Variants in WDR41 observed in about 807,000 individuals in gnomAD.
The protein encoded by WDR41 is WD repeat-containing protein 41.
A neutral mutation model predicts 69.3 loss-of-function variants in WDR41; 63 were observed. The observed-to-expected ratio is 0.91, with a 90% CI of 0.74 to 1.12. The LOEUF (loss-of-function observed/expected upper bound fraction) is 1.12, where lower values mean the gene tolerates loss of function less well. WDR41 is among the 50% of genes most tolerant of loss of function. The probability of loss-of-function intolerance (pLI) is 0.00; values close to 1 mark genes in which losing one functional copy is unlikely to be tolerated. For synonymous variants in WDR41, 185 were observed against 192.1 expected (o/e 0.96, Z 0.31); for missense variants, 543 against 534.5 (o/e 1.02, Z -0.16).
intron 1 of WDR41, among the ~76,000 whole-genome samples, chr5:77,581,339 G>A (rs1037587264): frequency 2.0e-5 from 3 of 152,184 alleles, no homozygotes; most frequent in African/African-American, 7.2e-5. Flanking sequence ...CTGAAATGGA[G>A]CACCAAGGTG....
chr5:77,566,648 T>A (rs1321650404), intron 1 of WDR41, among the ~76,000 whole-genome samples: 1 of 152,168 alleles, frequency 6.6e-6, no homozygotes, highest in Admixed American at 6.6e-5. Flanking sequence ...ATATGCACGC[T>A]TGTGTGGTGG....
At chr5:77,442,870 C>A (rs1319156716) in intron 8 of WDR41, among the ~76,000 whole-genome samples, 3 of 110,278 alleles carry the variant, frequency 2.7e-5, no homozygotes, top group African/African-American at 1.1e-4. Context: ...CCAGCCTGGG[C>A]GACAGAGCGA....
At chr5:77,515,874 T>A (rs1802284516) in intron 1 of WDR41, among the ~76,000 whole-genome samples, 1 of 152,214 alleles carries the variant, frequency 6.6e-6, no homozygotes, top group African/African-American at 2.4e-5. Flanking sequence ...CATTTGATAA[T>A]CTATTCAATA....
intron 2 of WDR41, among the ~76,000 whole-genome samples, chr5:77,479,359 C>T (rs1318907737): frequency 7.2e-5 from 11 of 152,190 alleles, no homozygotes; most frequent in African/African-American, 2.4e-4. Flanking sequence ...GAGCCCGCAT[C>T]ACCAAGTCAA....
chr5:77,438,193 A>T, intron 10 of WDR41, 47 bp downstream of exon 10: 1 of 1,611,500 alleles, frequency 6.2e-7, no homozygotes, highest in African/African-American at 1.3e-5. Flanking sequence ...TAGCCCTGGG[A>T]ACTGTGACTT....
intron 1 of WDR41, among the ~76,000 whole-genome samples, chr5:77,512,331 T>TGAGAGAGAGAGA (rs764631325): frequency 0.017 from 1,483 of 86,636 alleles, 21 homozygotes; most frequent in Admixed American, 0.044. Context: ...ATGGGGTGAG[T>TGAGAGAGAGAGA]GAGAGAGAGA....
chr5:77,447,386 A>G (rs2151299898), intron 8 of WDR41, among the ~76,000 whole-genome samples: 1 of 152,310 alleles, frequency 6.6e-6, no homozygotes, highest in Middle Eastern at 3.4e-3. Context: ...AACCAGAAAT[A>G]CCATTTGACC....
At chr5:77,510,364 A>G (rs534295876) in intron 1 of WDR41, among the ~76,000 whole-genome samples, 1 of 152,244 alleles carries the variant, frequency 6.6e-6, no homozygotes, top group East Asian at 1.9e-4. Context: ...CCCACAACAC[A>G]TGGGAATTAT....
intron 1 of WDR41, among the ~76,000 whole-genome samples, chr5:77,533,275 A>G (rs1467604987): frequency 6.6e-6 from 1 of 152,208 alleles, no homozygotes; most frequent in Non-Finnish European, 1.5e-5. Flanking sequence ...GGTAGTGTGT[A>G]GTTGGAGGCA....
At chr5:77,522,772 A>G in intron 1 of WDR41, among the ~76,000 whole-genome samples, 1 of 152,190 alleles carries the variant, frequency 6.6e-6, no homozygotes, top group East Asian at 1.9e-4. Flanking sequence ...AATGCTAGAA[A>G]AAAAGAGTAG....
intron 1 of WDR41, among the ~76,000 whole-genome samples, chr5:77,612,019 T>C (rs1031577054): frequency 1.8e-3 from 269 of 152,184 alleles, no homozygotes; most frequent in African/African-American, 6.1e-3. Context: ...AACACCTCTA[T>C]GCAAATAAAC....
intron 1 of WDR41, among the ~76,000 whole-genome samples, chr5:77,500,999 C>T (rs1243473497): frequency 6.6e-6 from 1 of 152,188 alleles, no homozygotes; most frequent in African/African-American, 2.4e-5. Context: ...AAATGAGGTA[C>T]CTGGTTCATC....
intron 1 of WDR41, among the ~76,000 whole-genome samples, chr5:77,544,771 A>G (rs1197748496): frequency 6.6e-6 from 1 of 152,122 alleles, no homozygotes; most frequent in Non-Finnish European, 1.5e-5. Context: ...TCAAGAGAGA[A>G]AGTCTACAAA....
At chr5:77,435,672 C>T (rs1223778718) in intron 12 of WDR41, among the ~76,000 whole-genome samples, 1 of 152,220 alleles carries the variant, frequency 6.6e-6, no homozygotes, top group African/African-American at 2.4e-5. Flanking sequence ...GTTACCTCAA[C>T]TGATCTTATT....
intron 1 of WDR41, among the ~76,000 whole-genome samples, chr5:77,510,307 T>C (rs1307654637): frequency 1.3e-5 from 2 of 152,070 alleles, no homozygotes; most frequent in South Asian, 2.1e-4. Context: ...AAGAACAGCA[T>C]GGGAAAGACC....
At chr5:77,616,766 C>A (rs559750070) in intron 1 of WDR41, among the ~76,000 whole-genome samples, 1 of 152,266 alleles carries the variant, frequency 6.6e-6, no homozygotes, top group Non-Finnish European at 1.5e-5. Context: ...CTTTGGTTAC[C>A]ACTGATGGAA....
chr5:77,482,192 C>G (rs1801302335), intron 2 of WDR41, among the ~76,000 whole-genome samples: 1 of 152,254 alleles, frequency 6.6e-6, no homozygotes, highest in South Asian at 2.1e-4. Context: ...AGTCCAACCC[C>G]TCTGTAAATT....
chr5:77,562,072 T>C (rs1449089929), intron 1 of WDR41, among the ~76,000 whole-genome samples: 3 of 152,212 alleles, frequency 2.0e-5, no homozygotes, highest in Non-Finnish European at 4.4e-5. Context: ...CTGTATCCAA[T>C]GTGTTTTGTT....
intron 2 of WDR41, among the ~76,000 whole-genome samples, chr5:77,473,263 C>T (rs1360415646): frequency 6.6e-6 from 1 of 152,170 alleles, no homozygotes; most frequent in Non-Finnish European, 1.5e-5. Context: ...GAAACTGGAT[C>T]CCTTCCTTAC....
Sources: gnomAD v4.1 joint callset for allele counts (sites outside exome capture counted in the v4.1 genomes callset) on GRCh38, gnomAD v4.1.1 for gene constraint, MANE v1.5 for transcripts, NCBI Gene and HGNC (gene_info 2026-07-23, HGNC 2026-07-21) for gene names.